PARVG: variants seen among roughly 807,000 people sequenced by gnomAD.
PARVG encodes parvin gamma.
Under a neutral mutation model 44.4 loss-of-function variants are expected in PARVG, and 36 were observed. The observed-to-expected ratio is 0.81, with a 90% CI of 0.62 to 1.07. PARVG has a LOEUF of 1.07. Among genes scored for constraint, PARVG ranks in the 50% least tolerant of loss-of-function variants. The pLI, the probability that PARVG is intolerant of heterozygous loss-of-function variation, is 0.00. For missense variants in PARVG, 407 were observed against 407.4 expected (o/e 1.00, Z 0.01); for synonymous variants, 170 against 174.1 (o/e 0.98, Z 0.19).
chr22:44,195,119 GGGGAGAA>G (rs764777476), intron 9 of PARVG, among the ~76,000 whole-genome samples: 14 of 152,160 alleles, frequency 9.2e-5, no homozygotes, highest in Non-Finnish European at 1.9e-4. Flanking sequence ...GGCGGAGTTT[GGGGAGAA>G]AGGAGAAAGG....
rs757307006 is a variant in PARVG, at chr22:44,189,271, C to T, written c.388+17C>T. ...GCGTGGAGAGTACGTGGGCCACAACCTGGCTACCCCTGGGGAGTGTGGGGC... is the reference window on the plus strand; with the variant it reads ...GCGTGGAGAGTACGTGGGCCACAACTTGGCTACCCCTGGGGAGTGTGGGGC... On this transcript the variant is annotated intron_variant, in intron 6 of 13. Coordinates refer to ENST00000444313, the MANE Select transcript of PARVG (RefSeq NM_022141.7). 2.5e-6 allele frequency: 4 copies of T among 1,613,208 alleles called. No homozygotes were observed. The East Asian group carries it at 8.9e-5, about 36-fold the overall frequency.
intron 5 of PARVG, 183 bp from the exon 6 acceptor site, chr22:44,188,931 C>CGTACCAG: frequency 1.4e-6 from 1 of 699,046 alleles, no homozygotes; most frequent in Non-Finnish European, 2.3e-6. Flanking sequence ...TGAGGGTCTC[C>CGTACCAG]TGGAAGCTGG....
intron 1 of PARVG, among the ~76,000 whole-genome samples, chr22:44,174,796 C>T (rs983363580): frequency 1.3e-5 from 2 of 152,042 alleles, no homozygotes; most frequent in African/African-American, 2.4e-5. Flanking sequence ...CTTAGCCTGA[C>T]CTGATTCTCC....
At chr22:44,178,887 G>A (rs1217735804), upstream of PARVG, among the ~76,000 whole-genome samples, 1 of 152,080 alleles carries the variant, frequency 6.6e-6, no homozygotes, top group Non-Finnish European at 1.5e-5. Flanking sequence ...ATTTTCTTAG[G>A]TATCATAATG....
At chr22:44,205,944 T>G in intron 13 of PARVG, 115 bp downstream of exon 13, 2 of 1,255,098 alleles carry the variant, frequency 1.6e-6, no homozygotes, top group Non-Finnish European at 2.3e-6. Flanking sequence ...CAGAGTCCTC[T>G]TGCCTGGCAG....
chr22:44,180,824 A>G, upstream of PARVG: 1 of 710,074 alleles, frequency 1.4e-6, no homozygotes, highest in Non-Finnish European at 1.7e-6. Flanking sequence ...ATCCCACCTG[A>G]TTTAGCCACT....
chr22:44,200,815 C>G (rs1013559285), intron 12 of PARVG, among the ~76,000 whole-genome samples: 1 of 152,144 alleles, frequency 6.6e-6, no homozygotes, highest in Non-Finnish European at 1.5e-5. Context: ...GGCCCAGTAG[C>G]AGGTGAGGTC....
At chr22:44,200,206 G>A (rs1022749524) in intron 12 of PARVG, among the ~76,000 whole-genome samples, 11 of 152,152 alleles carry the variant, frequency 7.2e-5, no homozygotes, top group African/African-American at 1.4e-4. Context: ...CTTCCTACCA[G>A]GTAGGCCTGG....
chr22:44,191,707 T>G (rs2054551319), intron 7 of PARVG, among the ~76,000 whole-genome samples: 1 of 152,166 alleles, frequency 6.6e-6, no homozygotes, highest in African/African-American at 2.4e-5. Context: ...CTTTCTACTG[T>G]TTTTTAAAAC....
At chr22:44,191,386 C>CTTT (rs1175460145) in intron 7 of PARVG, among the ~76,000 whole-genome samples, 2 of 68,374 alleles carry the variant, frequency 2.9e-5, no homozygotes, top group Non-Finnish European at 6.1e-5. Flanking sequence ...AGAGTCATTT[C>CTTT]TATTTTTTTT....
At chr22:44,189,804 C>T (rs964801629) in intron 6 of PARVG, among the ~76,000 whole-genome samples, 2 of 152,306 alleles carry the variant, frequency 1.3e-5, no homozygotes, top group Admixed American at 6.5e-5. Context: ...GTAATCCCAG[C>T]TACTCAGGAG....
chr22:44,196,089 A>T lies in PARVG; in HGVS notation c.584-66A>T, dbSNP rs1318058055. On this transcript the variant is annotated intron_variant, in intron 9 of 13. Coordinates refer to ENST00000444313, the MANE Select transcript of PARVG (RefSeq NM_022141.7). ...TTCTAAGAAACTTTTGTGAAAAAAA[A>T]AATTCCCTGTTTGGCACAAAGATAA... 16 of 1,594,276 alleles carry T rather than the reference A, an allele frequency of 1.0e-5. No homozygotes were observed. The East Asian group carries it at 3.6e-4, about 36-fold the overall frequency.
intron 13 of PARVG, 80 bp from the exon 14 acceptor site, chr22:44,206,237 A>G: frequency 9.7e-7 from 1 of 1,032,168 alleles, no homozygotes; most frequent in Non-Finnish European, 1.5e-6. Flanking sequence ...CCTGAATGCC[A>G]GGAAACCTTG....
At chr22:44,181,208 G>C in intron 1 of PARVG, 23 bp downstream of exon 1, 1 of 510,082 alleles carries the variant, frequency 2.0e-6, no homozygotes, top group Non-Finnish European at 2.5e-6. Flanking sequence ...GATTGAGAGA[G>C]ACAGACCACG....
At chr22:44,198,503 A>C in intron 11 of PARVG, 118 bp from the exon 12 acceptor site, 1 of 779,550 alleles carries the variant, frequency 1.3e-6, no homozygotes, top group Non-Finnish European at 2.2e-6. Context: ...CTTCTCATCA[A>C]GGCACCAGAG....
At chr22:44,189,365 G>C in intron 6 of PARVG, 111 bp downstream of exon 6, 1 of 1,468,610 alleles carries the variant, frequency 6.8e-7, no homozygotes, top group Non-Finnish European at 9.2e-7. Context: ...CCCAGCAGGG[G>C]TACAACCTGG....
In PARVG at chr22:44,196,352, C is replaced by G; in HGVS notation, c.648C>G (p.Ile216Met). 2 of 1,614,218 alleles carry G rather than the reference C, an allele frequency of 1.2e-6. No homozygotes were observed. The highest frequency in any genetic ancestry group is 1.3e-5 in the African/African-American group (1 of 75,064). Residue 216 changes from isoleucine to methionine, a missense_variant, in exon 11 of 14, where the codon ATC becomes ATG. By Grantham distance (10) the Ile-to-Met change is conservative. Coordinates refer to ENST00000444313, the MANE Select transcript of PARVG (RefSeq NM_022141.7). ...PEKVNAVKEA[I>M]VNFVNQKLDR... ...CCTTGTTCTTCCCTGGTTAGGCCAT[C>G]GTGAACTTTGTCAACCAGAAGCTGG...
upstream of PARVG, among the ~76,000 whole-genome samples, chr22:44,179,258 C>G (rs139122): frequency 0.6 from 90,989 of 152,028 alleles, 27,519 homozygotes; most frequent in South Asian, 0.64. This position sits in a 1 kb window ranked among gnomAD's most constrained non-coding sequence, Gnocchi z 4.2. Flanking sequence ...AAACAATGCT[C>G]TACACACAAG....
At position 44,206,554 on chromosome 22, in the gene PARVG, C is replaced by T. The variant is rs541517406; in HGVS notation, c.*128C>T. On this transcript the variant is annotated 3_prime_UTR_variant, in exon 14 of 14. Coordinates refer to ENST00000444313, the MANE Select transcript of PARVG (RefSeq NM_022141.7). ...GACCCGCTTCCCTCCCACCCTGTCT[C>T]CTGTCTCCATCGTTGGATTATCTTT... 1.1e-3 allele frequency: 869 copies of T among 778,908 alleles called. 3 individuals are homozygous for T. The highest frequency in any genetic ancestry group is 1.7e-3 in the Non-Finnish European group (788 of 456,498). 48.2% of individuals were successfully genotyped at this position (778,908 alleles called of 1,614,324 possible).
Sources: allele counts gnomAD v4.1 joint callset (sites outside exome capture counted in the v4.1 genomes callset), GRCh38; gene constraint gnomAD v4.1.1; non-coding constraint Gnocchi (gnomAD v3.1); transcripts MANE v1.5; gene names NCBI Gene and HGNC (gene_info 2026-07-23, HGNC 2026-07-21).